COL14A1: variants seen among roughly 807,000 people sequenced by gnomAD.
COL14A1 encodes collagen alpha-1(XIV) chain.
COL14A1 carries 136 observed loss-of-function variants against 230.3 expected under a neutral mutation model. That is an observed-to-expected ratio of 0.59 (90% CI 0.51 to 0.68). The LOEUF is 0.68. COL14A1 is among the 30% of genes least tolerant of loss of function. The probability of loss-of-function intolerance (pLI) is 0.00; values close to 1 mark genes in which losing one functional copy is unlikely to be tolerated. For synonymous variants in COL14A1, 792 were observed against 784.1 expected, an observed-to-expected ratio of 1.01 and a Z score of -0.17; for missense variants, 1,976 against 2,215.8, an observed-to-expected ratio of 0.89 and a Z score of 2.17.
chr8:120,232,886 T>A (rs1818320761), intron 19 of COL14A1, among the ~76,000 whole-genome samples: 2 of 152,188 alleles, frequency 1.3e-5, no homozygotes, highest in African/African-American at 2.4e-5. Context: ...TCACCAACAG[T>A]GTAAAAGTGT....
intron 1 of COL14A1, among the ~76,000 whole-genome samples, chr8:120,127,464 G>T (rs531452635): frequency 1.3e-5 from 2 of 152,346 alleles, no homozygotes; most frequent in Admixed American, 6.5e-5. Context: ...CTTCAAGATT[G>T]ATGGGAGGAG....
intron 36 of COL14A1, 108 bp from the exon 37 acceptor site, chr8:120,309,901 G>C: frequency 3.9e-6 from 4 of 1,025,128 alleles, no homozygotes; most frequent in Non-Finnish European, 6.0e-6. Flanking sequence ...CAGTGTGTTG[G>C]CCTTTACATA....
intron 45 of COL14A1, among the ~76,000 whole-genome samples, chr8:120,357,175 G>A (rs1823016687): frequency 6.6e-6 from 1 of 152,138 alleles, no homozygotes; most frequent in African/African-American, 2.4e-5. Flanking sequence ...GGGTCCTGTT[G>A]GCTAAGAGTC....
rs775504020 is a variant in COL14A1, at chr8:120,345,423, C to T, written c.4937C>T (p.Ser1646Phe). ...ATCCTCAACCAGATTCCCAGCCACT[C>T]CTCATCCATCCGGACTGTCCAAGGG... Reference protein sequence around the residue: ...TAILNQIPSHSSSIRTVQGPP... With the variant: ...TAILNQIPSHFSSIRTVQGPP... Residue 1646 changes from serine (S) to phenylalanine (F), a missense_variant, in exon 45 of 48, where the codon TCC becomes TTC. By Grantham distance (155) the Ser-to-Phe change is radical. Transcript: ENST00000297848. 6.3e-7 allele frequency: 1 copy of T among 1,599,094 alleles called. No homozygotes were observed.
Position 120,199,454 on chromosome 8 carries a change from A to G in COL14A1, c.765A>G (p.Ser255=), listed in dbSNP as rs776362214. The G allele has an allele frequency of 3.1e-6, 5 of 1,610,686 alleles. No individual in the cohort carries two copies. Among genetic ancestry groups the G allele is most frequent in the Non-Finnish European group, 4.2e-6 (5 of 1,178,964 alleles). The change falls in exon 8 of 48, where the codon TCA becomes TCG. Residue 255 remains serine (S), a synonymous_variant. Transcript: ENST00000297848. ...ATAGCTTCAAACCAGAAGCAGGATC[A>G]AGGACTGGAGTATCCAAAATTGGCA... The part of the protein sequence containing the change: ...FENSFKPEAG[S]RTGVSKIGIL...
intron 42 of COL14A1, among the ~76,000 whole-genome samples, 182 bp from the exon 43 acceptor site, chr8:120,341,143 G>A (rs1822280393): frequency 6.6e-6 from 1 of 152,194 alleles, no homozygotes; most frequent in Non-Finnish European, 1.5e-5. Flanking sequence ...ATGCTTAACA[G>A]AGCTTTTTAT....
intron 21 of COL14A1, among the ~76,000 whole-genome samples, chr8:120,248,944 G>A (rs1311955296): frequency 2.0e-4 from 2 of 9,884 alleles, no homozygotes; most frequent in Non-Finnish European, 3.6e-4. Context: ...TTTTTTTTTT[G>A]AGACGGAGTC....
At chr8:120,228,831 T>C (rs945441024) in intron 18 of COL14A1, 62 bp downstream of exon 18, 61 of 1,342,304 alleles carry the variant, frequency 4.5e-5, no homozygotes, top group Non-Finnish European at 6.3e-5. Context: ...GATGTTATAT[T>C]ATCCTGGTTT....
In COL14A1 at chr8:120,222,466, C is replaced by T. The variant is rs550073800; in HGVS notation, c.1738-2622C>T. ...TTCTTGCATTCATCTGGGAGTCTGA[C>T]TTGACCAGAACTTCTAGGATGACTT... On this transcript the variant is annotated intron_variant, in intron 14 of 47. Coordinates refer to ENST00000297848, the MANE Select transcript of COL14A1 (RefSeq NM_021110.4). Among the ~76,000 whole-genome samples, 195 of 152,288 alleles carry T rather than the reference C, an allele frequency of 1.3e-3. 2 individuals carry two copies. Among genetic ancestry groups the T allele is most frequent in the Non-Finnish European group, 1.9e-3 (131 of 68,020 alleles).
At chr8:120,286,120 A>C (rs895756766) in intron 33 of COL14A1, 150 bp downstream of exon 33, 4 of 594,400 alleles carry the variant, frequency 6.7e-6, no homozygotes, top group Non-Finnish European at 1.2e-5. Flanking sequence ...GCTTGTTAAC[A>C]GATTCTGATT....
At chr8:120,128,228 CGTGT>C (rs33988612) in intron 1 of COL14A1, among the ~76,000 whole-genome samples, 19,641 of 146,334 alleles carry the variant, frequency 0.13, 1,351 homozygotes, top group Non-Finnish European at 0.15. Context: ...TGTGCGCGCG[CGTGT>C]GTGTGTGTGT....
chr8:120,345,635 C>A, intron 45 of COL14A1, 72 bp downstream of exon 45: 1 of 1,239,688 alleles, frequency 8.1e-7, no homozygotes, highest in East Asian at 3.0e-5. Flanking sequence ...TATAGTGGTT[C>A]TTATACAAGG....
intron 40 of COL14A1, among the ~76,000 whole-genome samples, chr8:120,330,658 G>A (rs1303384249): frequency 2.0e-5 from 3 of 152,086 alleles, no homozygotes; most frequent in East Asian, 3.9e-4. Flanking sequence ...AGATTTGGGT[G>A]GGGACACAGC....
intron 25 of COL14A1, among the ~76,000 whole-genome samples, chr8:120,267,777 C>A (rs1819541563): frequency 6.6e-6 from 1 of 151,690 alleles, no homozygotes; most frequent in Non-Finnish European, 1.5e-5. Flanking sequence ...GGAATTTGGG[C>A]TTTATCCTGT....
At chr8:120,314,788 A>G (rs1821157623) in intron 38 of COL14A1, among the ~76,000 whole-genome samples, 1 of 152,210 alleles carries the variant, frequency 6.6e-6, no homozygotes, top group African/African-American at 2.4e-5. Flanking sequence ...AATAATAAAC[A>G]TTGGTTGAGG....
intron 4 of COL14A1, 129 bp downstream of exon 4, chr8:120,162,698 CA>C: frequency 1.4e-6 from 1 of 718,758 alleles, no homozygotes; most frequent in Non-Finnish European, 2.1e-6. Flanking sequence ...AGAAGACCTT[CA>C]GTCTTACCTT....
chr8:120,332,279 T>C (rs1821896665), intron 41 of COL14A1, 85 bp downstream of exon 41: 3 of 1,302,750 alleles, frequency 2.3e-6, no homozygotes, highest in Non-Finnish European at 3.3e-6. Context: ...CCAGATCTTT[T>C]ACCAGCAGCC....
At chr8:120,360,319 A>C (rs775280011) in intron 45 of COL14A1, among the ~76,000 whole-genome samples, 11 of 152,186 alleles carry the variant, frequency 7.2e-5, no homozygotes, top group Non-Finnish European at 1.5e-4. Context: ...TCCGAACATA[A>C]AATTAAGTAG....
chr8:120,370,504 C>T, intron 47 of COL14A1: 1 of 1,495,868 alleles, frequency 6.7e-7, no homozygotes, highest in South Asian at 1.3e-5. Context: ...TTCTGCATCC[C>T]TGCCTTCCCA....
Sources: gnomAD v4.1 joint callset for allele counts (sites outside exome capture counted in the v4.1 genomes callset) on GRCh38, gnomAD v4.1.1 for gene constraint, MANE v1.5 for transcripts, NCBI Gene and HGNC (gene_info 2026-07-23, HGNC 2026-07-21) for gene names.